The following VSIG8 variants were observed in gnomAD, a reference collection of about 807,000 sequenced individuals.
VSIG8 encodes V-set and immunoglobulin domain containing 8.
In VSIG8, 32 loss-of-function variants were observed where a neutral mutation model predicts 42.6. That is an observed-to-expected ratio of 0.75 (90% CI 0.57 to 1.01). VSIG8 has a LOEUF of 1.01. Among genes scored for constraint, VSIG8 ranks in the 50% least tolerant of loss-of-function variants. The pLI is 0.00. For missense variants in VSIG8, 529 were observed against 558.0 expected (o/e 0.95, Z 0.52); for synonymous variants, 290 against 243.8 (o/e 1.19, Z -1.77).
In VSIG8 at chr1:159,855,976, C is replaced by T. The variant is rs1366375616; in HGVS notation, c.878G>A (p.Gly293Asp). ...ACCGCGGGCGCCGCCAGCCCCGGAG[C>T]CCCCGCAGCAGCAGCAGACGAGCCC... ...IWGLVCCCCGGSGAGGARGAF... is the reference protein window; with the variant it reads ...IWGLVCCCCGDSGAGGARGAF... The change falls in exon 6 of 7, where the codon GGC becomes GAC. Residue 293 changes from glycine (G) to aspartate (D), a missense_variant. Transcript: ENST00000368100. 6.9e-6 allele frequency: 11 copies of T among 1,597,496 alleles called. No individual in the cohort carries two copies. Among genetic ancestry groups the T allele is most frequent in the Non-Finnish European group, 9.4e-6 (11 of 1,172,628 alleles).
chr1:159,855,959 C>A lies in VSIG8; in HGVS notation c.895G>T (p.Ala299Ser), dbSNP rs1648805192. The stretch of plus-strand genomic sequence containing the variant: ...TTGCCGTAGCCGAAGGCACCGCGGG[C>A]GCCGCCAGCCCCGGAGCCCCCGCAG... ...CCCGGSGAGG[A>S]RGAFGYGNGG... The change falls in exon 6 of 7, where the codon GCC (alanine) becomes TCC (serine). Residue 299 changes from alanine to serine, a missense_variant. Ala to Ser is a moderately conservative substitution (Grantham distance 99). Coordinates refer to ENST00000368100, the MANE Select transcript of VSIG8 (RefSeq NM_001013661.1). 6.3e-7 allele frequency: 1 copy of A among 1,582,932 alleles called. No homozygotes were observed. The highest frequency in any genetic ancestry group is 1.3e-5 in the African/African-American group (1 of 74,168).
At chr1:159,857,575 CA>C (rs10683798) in intron 4 of VSIG8, among the ~76,000 whole-genome samples, 169 bp downstream of exon 4, 2,306 of 121,172 alleles carry the variant, frequency 0.019, 38 homozygotes, top group African/African-American at 0.064. Context: ...AACTCTGTCT[CA>C]AAAAAAAAAA....
intron 4 of VSIG8, 81 bp downstream of exon 4, chr1:159,857,664 T>TCA (rs1199077374): frequency 1.7e-6 from 2 of 1,182,164 alleles, no homozygotes; most frequent in East Asian, 5.0e-5. Context: ...ATGGCACTGA[T>TCA]AACCCAAGGA....
At chr1:159,858,933 A>T in intron 1 of VSIG8, 21 bp from the exon 2 acceptor site, 1 of 1,606,430 alleles carries the variant, frequency 6.2e-7, no homozygotes, top group African/African-American at 1.3e-5. Flanking sequence ...GGCAGAGAAG[A>T]TGGGGTGGTA....
chr1:159,858,046 C>G, intron 3 of VSIG8, 44 bp downstream of exon 3: 1 of 1,613,532 alleles, frequency 6.2e-7, no homozygotes, highest in South Asian at 1.1e-5. Context: ...CTGCCCTTGG[C>G]TCTTAAGCCA....
intron 1 of VSIG8, among the ~76,000 whole-genome samples, chr1:159,859,827 C>T (rs1648965907): frequency 6.6e-6 from 1 of 152,114 alleles, no homozygotes; most frequent in Non-Finnish European, 1.5e-5. Flanking sequence ...GAGGCCCCTC[C>T]TGCCACTGAG....
Position 159,859,161 on chromosome 1 carries a change from T to G in VSIG8, c.50-249A>C, listed in dbSNP as rs572549897. 2.6e-5 allele frequency among the ~76,000 whole-genome samples: 4 copies of G among 152,338 alleles called. No homozygotes were observed. The South Asian group carries it at 8.3e-4, about 32-fold the overall frequency. ...GTATGCTTGTATGTATATATGATTA[T>G]GTGTATGCATGTATGAATATGTACA... On this transcript the variant is annotated intron_variant, in intron 1 of 6. Coordinates refer to ENST00000368100, the MANE Select transcript of VSIG8 (RefSeq NM_001013661.1).
At position 159,854,846 on chromosome 1, in the gene VSIG8, C is replaced by G; in HGVS notation, c.1152G>C (p.Ala384=). ...APCTAAAACE[A]GPSPVYVKVK... Reference sequence around the variant, plus strand: ...CCTTGACGTAGACCGGGGAGGGGCCCGCTTCGCAGGCGGCGGCGGCGGTGC... The same window carrying G: ...CCTTGACGTAGACCGGGGAGGGGCCGGCTTCGCAGGCGGCGGCGGCGGTGC... The change falls in exon 7 of 7, where the codon GCG becomes GCC. Residue 384 remains alanine, a synonymous_variant. Transcript: ENST00000368100. 16 of 1,484,244 alleles carry G rather than the reference C, an allele frequency of 1.1e-5. No individual in the cohort carries two copies. The highest frequency in any genetic ancestry group is 1.3e-5 in the Non-Finnish European group (15 of 1,126,486). 91.9% of individuals were successfully genotyped at this position (1,484,244 alleles called of 1,614,324 possible). A position where few individuals can be genotyped will look rare whatever the true frequency, so the allele number is the denominator to read the frequency against.
rs777279375 is a variant in VSIG8, at chr1:159,858,061, G to A, written c.430+29C>T. On this transcript the variant is annotated intron_variant, in intron 3 of 6. Transcript: ENST00000368100. ...CTGCCCTTGGCTCTTAAGCCAGGGG[G>A]AGAGGAGCTTAGAGGAGTCTGGCCA... 1.4e-5 allele frequency: 22 copies of A among 1,613,838 alleles called. No individual in the cohort carries two copies. The South Asian group carries it at 1.5e-4, about 11-fold the overall frequency.
chr1:159,855,566 CT>C, intron 6 of VSIG8: 1 of 985,300 alleles, frequency 1.0e-6, no homozygotes. Context: ...TGTCAGAGTT[CT>C]TACCGGCGCA....
chr1:159,855,133 T>G, intron 6 of VSIG8, 107 bp from the exon 7 acceptor site: 1 of 1,551,370 alleles, frequency 6.4e-7, no homozygotes. Flanking sequence ...CTCCCGCGCC[T>G]CCCTCCACCT....
rs1648808007 is a variant in VSIG8 at position 159,856,003 on chromosome 1, C to T, written c.851G>A (p.Trp284Ter). ...LALGCLAVGI[W>*]GLVCCCCGGS... ...CCCGCAGCAGCAGCAGACGAGCCCC[C>T]AGATGCCTACGGCCAGGCAGCCCAG... is the stretch of plus-strand genomic sequence containing the variant. Residue 284 changes from tryptophan to a stop codon, truncating the protein, a stop_gained, in exon 6 of 7, where the codon TGG becomes TAG. Transcript: ENST00000368100. LOFTEE classifies it high-confidence loss of function. 1.9e-6 allele frequency: 3 copies of T among 1,609,610 alleles called. No individual in the cohort carries two copies. Among genetic ancestry groups the T allele is most frequent in the Non-Finnish European group, 1.7e-6 (2 of 1,178,326 alleles).
chr1:159,854,767 C>A lies in VSIG8; in HGVS notation c.1231G>T (p.Gly411Cys). The stretch of plus-strand genomic sequence containing the variant: ...GGCGCGCGCGCTCACACCAAGAGGC[C>A]GTTCTTGCACTGCACCGGCCCCTCG... The part of the protein sequence containing the change: ...CAEGPVQCKN[G>C]LLV The change falls in exon 7 of 7, where the codon GGC (glycine) becomes TGC (cysteine). Residue 411 changes from glycine (G) to cysteine (C), a missense_variant. Gly to Cys is a radical substitution (Grantham distance 159). Coordinates refer to ENST00000368100, the MANE Select transcript of VSIG8 (RefSeq NM_001013661.1). The A allele has an allele frequency of 1.3e-6, 2 of 1,494,114 alleles. No individual in the cohort carries two copies. The highest frequency in any genetic ancestry group is 1.8e-6 in the Non-Finnish European group (2 of 1,129,250). 92.6% of individuals were successfully genotyped at this position (1,494,114 alleles called of 1,614,324 possible). A position where few individuals can be genotyped will look rare whatever the true frequency, so the allele number is the denominator to read the frequency against.
In VSIG8 at chr1:159,856,070, T is replaced by C. The variant is rs773986906; in HGVS notation, c.784A>G (p.Ile262Val). 3.1e-6 allele frequency: 5 copies of C among 1,611,704 alleles called. No homozygotes were observed. Among genetic ancestry groups the C allele is most frequent in the Middle Eastern group, 1.6e-4 (1 of 6,062 alleles). The change falls in exon 6 of 7, where the codon ATA becomes GTA. Residue 262 changes from isoleucine (I) to valine (V), a missense_variant. Physicochemically the swap from Ile to Val is conservative, Grantham distance 29. Transcript: ENST00000368100. The stretch of plus-strand genomic sequence containing the variant: ...AGGACGATGCCGATGATCACGCCTA[T>C]ACGCCGGGAGTCTGTGGAGAGAAGT... ...VEVKVSDSRRIGVIIGIVLGS... is the reference protein window; with the variant it reads ...VEVKVSDSRRVGVIIGIVLGS...
At chr1:159,861,143 GAAGA>G (rs909031631) in intron 1 of VSIG8, 1 of 152,442 alleles carries the variant, frequency 6.6e-6, no homozygotes, top group African/African-American at 2.4e-5. Flanking sequence ...AGGCAAAGTG[GAAGA>G]GAGAGCTGGA....
In VSIG8 at chr1:159,854,907, G is replaced by A. The variant is rs563047828; in HGVS notation, c.1091C>T (p.Pro364Leu). 211 of 1,488,270 alleles carry A rather than the reference G, an allele frequency of 1.4e-4. No homozygotes were observed. Among genetic ancestry groups the A allele is most frequent in the Non-Finnish European group, 1.8e-4 (200 of 1,127,780 alleles). 92.2% of individuals were successfully genotyped at this position (1,488,270 alleles called of 1,614,324 possible). Reference protein sequence around the residue: ...RSLRRKYAPPPCGGPEDVALA... With the variant: ...RSLRRKYAPPLCGGPEDVALA... ...GGCCACGTCCTCGGGGCCGCCGCAG[G>A]GGGGAGGCGCGTACTTGCGGCGCAG... Residue 364 changes from proline (P) to leucine (L), a missense_variant, in exon 7 of 7, where the codon CCC becomes CTC. Coordinates refer to ENST00000368100, the MANE Select transcript of VSIG8 (RefSeq NM_001013661.1).
intron 1 of VSIG8, chr1:159,862,186 G>A (rs1571170993): frequency 1.9e-5 from 7 of 377,368 alleles, no homozygotes; most frequent in Middle Eastern, 6.7e-4. Context: ...TCCTAGTCAC[G>A]GCATGAGCTT....
chr1:159,855,825 GT>G (rs1431038475), intron 6 of VSIG8, 57 bp downstream of exon 6: 11 of 1,489,066 alleles, frequency 7.4e-6, no homozygotes, highest in Non-Finnish European at 8.9e-6. Flanking sequence ...CAGGAGTGAG[GT>G]GGGCAGGGCG....
intron 4 of VSIG8, among the ~76,000 whole-genome samples, chr1:159,857,445 C>T (rs1035771499): frequency 6.6e-6 from 1 of 151,998 alleles, no homozygotes; most frequent in African/African-American, 2.4e-5. Context: ...TGCGGTGGTG[C>T]ATGCCTGTAA....
Sources: allele counts gnomAD v4.1 joint callset (sites outside exome capture counted in the v4.1 genomes callset), GRCh38; gene constraint gnomAD v4.1.1; transcripts MANE v1.5; gene names NCBI Gene and HGNC (gene_info 2026-07-23, HGNC 2026-07-21).